Variants in SSR4 observed in about 807,000 individuals in gnomAD.
SSR4 encodes translocon-associated protein subunit delta.
For missense variants in SSR4, 125 were observed against 148.8 expected, an observed-to-expected ratio of 0.84 and a Z score of 0.83; for synonymous variants, 84 against 65.6, an observed-to-expected ratio of 1.28 and a Z score of -1.35.
chrX:153,797,846 T>G, intron 4 of SSR4, 32 bp downstream of exon 4: 1 of 1,107,249 alleles, frequency 9.0e-7, no homozygotes, highest in South Asian at 2.0e-5. Flanking sequence ...TGTGCTCCCC[T>G]GTCCCTGGGG....
Position 153,796,239 on chromosome X carries a change from A to G in SSR4, c.68-195A>G, listed in dbSNP as rs1424351626. 18 of 419,910 alleles carry G rather than the reference A, an allele frequency of 4.3e-5. No individual in the cohort carries two copies. The Admixed American group carries it at 7.6e-4, about 18-fold the overall frequency. 34.6% of individuals were successfully genotyped at this position (419,910 alleles called of 1,213,427 possible). A position where few individuals can be genotyped will look rare whatever the true frequency, so the allele number is the denominator to read the frequency against. On this transcript the variant is annotated intron_variant, in intron 1 of 5. Coordinates refer to ENST00000370086, the MANE Select transcript of SSR4 (RefSeq NM_006280.3). Reference sequence around the variant, plus strand: ...TTGCCCCTCCCCAGCCTTCCTTCACAGCCATCCCGCCTACGTTGCCATTGC... The same window carrying G: ...TTGCCCCTCCCCAGCCTTCCTTCACGGCCATCCCGCCTACGTTGCCATTGC...
upstream of SSR4, chrX:153,794,415 C>T (rs1309983726): frequency 4.4e-6 from 5 of 1,139,307 alleles, no homozygotes; most frequent in East Asian, 6.6e-5. Context: ...GGGACAGGCG[C>T]GGACCCGGTA....
upstream of SSR4, chrX:153,794,395 C>T: frequency 1.7e-6 from 2 of 1,149,262 alleles, no homozygotes; most frequent in African/African-American, 1.8e-5. Context: ...CGACGGGGTG[C>T]GAAGTTTCGG....
intron 1 of SSR4, 175 bp from the exon 2 acceptor site, chrX:153,796,259 C>T: frequency 2.3e-6 from 1 of 433,096 alleles, no homozygotes. Flanking sequence ...CCTACGTTGC[C>T]ATTGCATTTG....
intron 2 of SSR4, 27 bp downstream of exon 2, chrX:153,796,579 G>T: frequency 9.4e-7 from 1 of 1,068,312 alleles, no homozygotes; most frequent in Non-Finnish European, 1.3e-6. Flanking sequence ...TCAGACAGGA[G>T]GGCGGGTGGG....
upstream of SSR4, chrX:153,794,654 CTCG>C (rs781834911): frequency 5.6e-5 from 68 of 1,210,811 alleles, no homozygotes; most frequent in East Asian, 1.9e-3. Flanking sequence ...TTCATGGGAG[CTCG>C]TTTTCTTTTC....
intron 4 of SSR4, 54 bp from the exon 5 acceptor site, chrX:153,798,017 C>A (rs1252749473): frequency 4.3e-6 from 4 of 922,349 alleles, no homozygotes; most frequent in Non-Finnish European, 4.7e-6. Context: ...CCCTCCCCAC[C>A]CCCACACGCC....
At chrX:153,795,840 T>A in intron 1 of SSR4, 27 of 754,958 alleles carry the variant, frequency 3.6e-5, no homozygotes, top group Non-Finnish European at 4.2e-5. Flanking sequence ...GGGCCTCTGG[T>A]TATGGAGAAG....
intron 4 of SSR4, 118 bp from the exon 5 acceptor site, chrX:153,797,953 C>A: frequency 1.1e-5 from 10 of 916,732 alleles, no homozygotes; most frequent in Non-Finnish European, 1.6e-5. Flanking sequence ...TTGCCCATTT[C>A]TCTCCTTTCC....
intron 2 of SSR4, chrX:153,797,173 C>T (rs2092146725): frequency 2.8e-6 from 1 of 360,171 alleles, no homozygotes; most frequent in Non-Finnish European, 4.9e-6. Context: ...CAGGAAATCA[C>T]TCAGCCCTTT....
rs782278624 is a variant in SSR4 at position 153,796,216 on chromosome X, G to A, written c.68-218G>A. ...TGCACACCTCCAGAAAGCCGGCCTT[G>A]CCCCTCCCCAGCCTTCCTTCACAGC... On this transcript the variant is annotated intron_variant, in intron 1 of 5. Coordinates refer to ENST00000370086, the MANE Select transcript of SSR4 (RefSeq NM_006280.3). 20 of 409,300 alleles carry A rather than the reference G, an allele frequency of 4.9e-5. No individual in the cohort carries two copies. The Admixed American group carries it at 5.2e-4, about 11-fold the overall frequency. 33.7% of individuals were successfully genotyped at this position (409,300 alleles called of 1,213,427 possible).
At chrX:153,795,540 C>A (rs2092134945) in intron 1 of SSR4, 1 of 312,424 alleles carries the variant, frequency 3.2e-6, no homozygotes, top group Non-Finnish European at 4.3e-6. Flanking sequence ...ATCCAGAGGA[C>A]AAGCCTGGCC....
rs781803547 is a variant in SSR4 at position 153,798,216 on chromosome X, G to A, written c.417+80G>A. 245 of 1,176,483 alleles carry A rather than the reference G, an allele frequency of 2.1e-4. No individual in the cohort carries two copies. In the Middle Eastern group the frequency reaches 3.7e-3, roughly 18 times the overall value. On this transcript the variant is annotated intron_variant, in intron 5 of 5. Transcript: ENST00000370086. ...TCCTCTCCACAGCCCCAGCTCTGCT[G>A]CTGGGCCGTGATTGGCCAGCATGTC...
intron 4 of SSR4, 28 bp from the exon 5 acceptor site, chrX:153,798,043 C>T (rs2092153037): frequency 8.3e-7 from 1 of 1,198,738 alleles, no homozygotes; most frequent in Non-Finnish European, 1.1e-6. Context: ...CCCCTGACCC[C>T]AGCACCTCCC....
chrX:153,795,575 G>A, intron 1 of SSR4: 1 of 626,341 alleles, frequency 1.6e-6, no homozygotes, highest in Non-Finnish European at 1.9e-6. Flanking sequence ...GGGCTCCCCT[G>A]CGCCACAGGA....
upstream of SSR4, chrX:153,794,518 G>C (rs2092126459): frequency 8.6e-7 from 1 of 1,161,914 alleles, no homozygotes; most frequent in Non-Finnish European, 1.2e-6. Context: ...CGACCAGCTG[G>C]GCCCCTGGCT....
Position 153,798,106 on chromosome X carries a change from G to A in SSR4, c.387G>A (p.Pro129=), listed in dbSNP as rs782786758. 2.0e-5 allele frequency: 23 copies of A among 1,137,955 alleles called. No homozygotes were observed. In the East Asian group the frequency reaches 5.7e-4, roughly 28 times the overall value. The allele number at this position is 1,137,955 out of a possible 1,213,427, so 93.8% of individuals were successfully genotyped here. ...ATAACGAGGACATTTCCATCATCCC[G>A]CCTCTGTTTACAGTCAGCGTGGACC... ...QRNNEDISII[P]PLFTVSVDHR... is the part of the protein sequence containing the mutation. The change falls in exon 5 of 6, where the codon CCG becomes CCA. Residue 129 remains proline, a synonymous_variant. Transcript: ENST00000370086.
At chrX:153,796,166 C>G in intron 1 of SSR4, 1 of 368,181 alleles carries the variant, frequency 2.7e-6, no homozygotes, top group Non-Finnish European at 4.8e-6. Context: ...AATCCAGCCC[C>G]CACCTGTCCC....
chrX:153,795,877 G>C (rs1464717809), intron 1 of SSR4: 21 of 744,129 alleles, frequency 2.8e-5, no homozygotes, highest in Non-Finnish European at 3.3e-5. Context: ...TTCTCTCACA[G>C]CTAACAAGTT....
Sources: gnomAD v4.1 joint callset for allele counts on GRCh38, gnomAD v4.1.1 for gene constraint, MANE v1.5 for transcripts, NCBI Gene and HGNC (gene_info 2026-07-23, HGNC 2026-07-21) for gene names.